SESN2: variants seen among roughly 807,000 people sequenced by gnomAD.
SESN2 encodes sestrin-2.
Under a neutral mutation model 56.0 loss-of-function variants are expected in SESN2, and 42 were observed. The ratio of observed to expected loss-of-function variants is 0.75; its 90% CI spans 0.59 to 0.97. The LOEUF is 0.97. Among genes scored for constraint, SESN2 ranks in the 50% least tolerant of loss-of-function variants. The probability of loss-of-function intolerance (pLI) is 0.00; values close to 1 mark genes in which losing one functional copy is unlikely to be tolerated. For missense variants in SESN2, 507 were observed against 649.4 expected (o/e 0.78, Z 2.38); for synonymous variants, 264 against 267.1 (o/e 0.99, Z 0.11).
At position 28,272,608 on chromosome 1, in the gene SESN2, T is replaced by G. The variant is rs964802462; in HGVS notation, c.565T>G (p.Trp189Gly). ...CTTGCTGAAGACCGGCGAGCACACT[T>G]GGTCCCTGGCCGAGCTCATTCAGGC... ...QALLKTGEHT[W>G]SLAELIQALV... The change falls in exon 5 of 10, where the codon TGG becomes GGG. Residue 189 changes from tryptophan to glycine, a missense_variant. Coordinates refer to ENST00000253063, the MANE Select transcript of SESN2 (RefSeq NM_031459.5). 1 of 1,613,954 alleles carries G rather than the reference T, an allele frequency of 6.2e-7. No homozygotes were observed. Among genetic ancestry groups the G allele is most frequent in the Non-Finnish European group, 8.5e-7 (1 of 1,180,008 alleles).
rs763620899 is a variant in SESN2, at chr1:28,279,244, A to G, written c.1356+3A>G. 6.2e-7 allele frequency: 1 copy of G among 1,614,028 alleles called. No homozygotes were observed. Among genetic ancestry groups the G allele is most frequent in the Non-Finnish European group, 8.5e-7 (1 of 1,180,014 alleles). Reference sequence around the variant, plus strand: ...GGCACTTCCGCCACTCAGAGAAGGTATGACCTATACAGGCAGGGCAGGATG... The same window carrying G: ...GGCACTTCCGCCACTCAGAGAAGGTGTGACCTATACAGGCAGGGCAGGATG... On this transcript the variant is annotated splice_donor_region_variant and intron_variant, in intron 9 of 9. Coordinates refer to ENST00000253063, the MANE Select transcript of SESN2 (RefSeq NM_031459.5).
rs567865150 is a variant in SESN2, at chr1:28,276,138, C to T, written c.1211+1123C>T. Among the ~76,000 whole-genome samples the T allele has an allele frequency of 1.5e-4, 23 of 150,112 alleles. No homozygotes were observed. In the South Asian group the frequency reaches 4.2e-3, roughly 27 times the overall value. ...CTCCAGCCTGGGCAACAGAGCAAGA[C>T]GCTATCTCAAAATAAATAAATAAAA... On this transcript the variant is annotated intron_variant, in intron 8 of 9. Transcript: ENST00000253063.
chr1:28,268,278 T>G (rs1052208652), intron 1 of SESN2, among the ~76,000 whole-genome samples: 3 of 151,974 alleles, frequency 2.0e-5, no homozygotes, highest in Non-Finnish European at 4.4e-5. Context: ...CCAGGCATGG[T>G]GACTCCCATC....
chr1:28,270,276 G>A (rs1408821706), intron 2 of SESN2, among the ~76,000 whole-genome samples: 2 of 151,880 alleles, frequency 1.3e-5, no homozygotes, highest in African/African-American at 2.4e-5. Context: ...GCATGAACCC[G>A]GGAGGCGGAG....
Position 28,281,085 on chromosome 1 carries a change from A to G in SESN2, c.*283A>G, listed in dbSNP as rs1648223201. 8.4e-6 allele frequency: 3 copies of G among 357,468 alleles called. No individual in the cohort carries two copies. The highest frequency in any genetic ancestry group is 1.5e-5 in the Non-Finnish European group (3 of 196,356). 22.1% of individuals were successfully genotyped at this position (357,468 alleles called of 1,614,324 possible). Reference sequence around the variant, plus strand: ...TCCCCTGCCCACAGAGGCAGAGGGCACAGGAAAGAAGCCGGGCCAAGCTCG... The same window carrying G: ...TCCCCTGCCCACAGAGGCAGAGGGCGCAGGAAAGAAGCCGGGCCAAGCTCG... On this transcript the variant is annotated 3_prime_UTR_variant, in exon 10 of 10. Transcript: ENST00000253063.
chr1:28,265,319 T>G (rs1647518280), intron 1 of SESN2, among the ~76,000 whole-genome samples: 1 of 152,200 alleles, frequency 6.6e-6, no homozygotes, highest in African/African-American at 2.4e-5. Context: ...GATTCAAATC[T>G]ACTTGGTTTT....
In SESN2 at chr1:28,274,079, G is replaced by A; in HGVS notation, c.941G>A (p.Cys314Tyr). 6.2e-7 allele frequency: 1 copy of A among 1,614,108 alleles called. No homozygotes were observed. The highest frequency in any genetic ancestry group is 1.1e-5 in the South Asian group (1 of 91,088). ...CCCTCTCCACACCCAGACATGCTGTGCTTTGTGGAAGACCCTACTTTCGGA... is the reference window on the plus strand; with the variant it reads ...CCCTCTCCACACCCAGACATGCTGTACTTTGTGGAAGACCCTACTTTCGGA... The part of the protein sequence containing the change: ...LEPSPHPDML[C>Y]FVEDPTFGYE... Residue 314 changes from cysteine (C) to tyrosine (Y), a missense_variant, in exon 7 of 10, where the codon TGC becomes TAC. Physicochemically the swap from Cys to Tyr is radical, Grantham distance 194 (BLOSUM62 -2). Transcript: ENST00000253063.
chr1:28,264,898 A>G (rs1222372279), intron 1 of SESN2, among the ~76,000 whole-genome samples: 1 of 152,152 alleles, frequency 6.6e-6, no homozygotes, highest in East Asian at 1.9e-4. Context: ...GGAGCTTCTC[A>G]TTCTTGGTGA....
intron 1 of SESN2, among the ~76,000 whole-genome samples, chr1:28,264,860 GC>G (rs1380649475): frequency 1.3e-5 from 2 of 152,138 alleles, no homozygotes; most frequent in Admixed American, 1.3e-4. Flanking sequence ...TTCAGTGTGT[GC>G]CCCCAAGTGT....
intron 8 of SESN2, among the ~76,000 whole-genome samples, chr1:28,277,149 C>G (rs151174896): frequency 6.7e-6 from 1 of 150,148 alleles, no homozygotes; most frequent in African/African-American, 2.4e-5. Context: ...CCTCATGATC[C>G]GCCCACCTTG....
chr1:28,272,741 C>A lies in SESN2; in HGVS notation c.698C>A (p.Pro233His). 1 of 1,612,334 alleles carries A rather than the reference C, an allele frequency of 6.2e-7. No individual in the cohort carries two copies. Residue 233 changes from proline to histidine, a missense_variant, in exon 5 of 10, where the codon CCC (proline) becomes CAC (histidine). By Grantham distance (77) the Pro-to-His change is moderately conservative. Coordinates refer to ENST00000253063, the MANE Select transcript of SESN2 (RefSeq NM_031459.5). Reference protein sequence around the residue: ...DGSPAPQAPTPPSEQSSPPSR... With the variant: ...DGSPAPQAPTHPSEQSSPPSR... ...AGCCCTGCCCCCCAGGCACCTACAC[C>A]CCCTAGTGAACAGAGCAGCCCCCCA... is the stretch of plus-strand genomic sequence containing the variant.
At chr1:28,265,615 G>A (rs1297728545) in intron 1 of SESN2, among the ~76,000 whole-genome samples, 4 of 152,064 alleles carry the variant, frequency 2.6e-5, no homozygotes, top group Admixed American at 6.6e-5. Flanking sequence ...GGCTGGTCTC[G>A]AACTCCCAAC....
intron 8 of SESN2, among the ~76,000 whole-genome samples, chr1:28,278,866 T>C (rs1215893423): frequency 6.6e-6 from 1 of 152,226 alleles, no homozygotes; most frequent in East Asian, 1.9e-4. Flanking sequence ...ATAGTTGGTA[T>C]TCAATACAGC....
rs1648208376 is a variant in SESN2 at position 28,280,705 on chromosome 1, C to G, written c.1357-11C>G. 6 of 1,611,334 alleles carry G rather than the reference C, an allele frequency of 3.7e-6. No individual in the cohort carries two copies. The highest frequency in any genetic ancestry group is 4.2e-6 in the Non-Finnish European group (5 of 1,178,624). ...ACATCAGTTGCCAACATGCCTTCCTCTGTGCCCCAGGTCCACGTGAACTTG... is the reference window on the plus strand; with the variant it reads ...ACATCAGTTGCCAACATGCCTTCCTGTGTGCCCCAGGTCCACGTGAACTTG... On this transcript the variant is annotated splice_polypyrimidine_tract_variant and intron_variant, in intron 9 of 9. Coordinates refer to ENST00000253063, the MANE Select transcript of SESN2 (RefSeq NM_031459.5).
Position 28,279,106 on chromosome 1 carries a change from CTA to C in SESN2, c.1223_1224del (p.Tyr408Ter). On this transcript the variant is annotated frameshift_variant, in exon 9 of 10. Transcript: ENST00000253063. LOFTEE classifies it high-confidence loss of function. ...GGACCTTTCCATCCAGATATGATGACTATGATTATGGGGAGGTGAACCAGCTC... is the reference window on the plus strand; with the variant it reads ...GGACCTTTCCATCCAGATATGATGACTGATTATGGGGAGGTGAACCAGCTC... ...HCVFGIRYDD[Y>X]DYGEVNQLLE... 6.2e-7 allele frequency: 1 copy of C among 1,614,158 alleles called. No homozygotes were observed. The highest frequency in any genetic ancestry group is 8.5e-7 in the Non-Finnish European group (1 of 1,180,020).
intron 3 of SESN2, 100 bp from the exon 4 acceptor site, chr1:28,272,184 G>C: frequency 1.6e-6 from 2 of 1,242,364 alleles, no homozygotes; most frequent in South Asian, 2.7e-5. Flanking sequence ...TGCCTCTTGG[G>C]GAACAGTGAG....
intron 8 of SESN2, among the ~76,000 whole-genome samples, chr1:28,276,727 G>A (rs1648060188): frequency 6.7e-6 from 1 of 150,044 alleles, no homozygotes; most frequent in Non-Finnish European, 1.5e-5. Flanking sequence ...TTACCAGCAT[G>A]TGCCACCACG....
intron 6 of SESN2, 77 bp downstream of exon 6, chr1:28,273,585 G>A: frequency 7.6e-7 from 1 of 1,323,948 alleles, no homozygotes; most frequent in Non-Finnish European, 1.0e-6. Flanking sequence ...GCCACCTCCT[G>A]CATTCCAGAG....
rs926406190 is a variant in SESN2 at position 28,269,171 on chromosome 1, G to A, written c.91-12G>A. 10 of 1,608,080 alleles carry A rather than the reference G, an allele frequency of 6.2e-6. No homozygotes were observed. The highest frequency in any genetic ancestry group is 1.7e-5 in the Admixed American group (1 of 59,558). ...CTTCTACTACGGACTAACCTCATAT[G>A]TTTCCTCCCAGGAGCAGAGGGAGAG... On this transcript the variant is annotated splice_polypyrimidine_tract_variant and intron_variant, in intron 1 of 9. Coordinates refer to ENST00000253063, the MANE Select transcript of SESN2 (RefSeq NM_031459.5).
Sources: allele counts gnomAD v4.1 joint callset (sites outside exome capture counted in the v4.1 genomes callset), GRCh38; gene constraint gnomAD v4.1.1; transcripts MANE v1.5; gene names NCBI Gene and HGNC (gene_info 2026-07-23, HGNC 2026-07-21).